SLC49A4: variants seen among roughly 807,000 people sequenced by gnomAD.
SLC49A4 encodes disrupted in renal cancer protein 2.
SLC49A4 carries 36 observed loss-of-function variants against 50.6 expected under a neutral mutation model. The observed-to-expected ratio is 0.71, with a 90% CI of 0.55 to 0.94. The LOEUF (loss-of-function observed/expected upper bound fraction) is 0.94. Ranked by LOEUF, SLC49A4 falls within the 40% of genes least tolerant of loss-of-function variation. The pLI is 0.00. For synonymous variants in SLC49A4, 248 were observed against 241.2 expected (o/e 1.03, Z -0.26); for missense variants, 503 against 605.7 (o/e 0.83, Z 1.78).
intron 3 of SLC49A4, among the ~76,000 whole-genome samples, chr3:122,828,583 C>T (rs1359776534): frequency 5.3e-5 from 8 of 152,066 alleles, no homozygotes; most frequent in Non-Finnish European, 4.4e-5. Context: ...CTAAGCAGGC[C>T]TGAAGGGTTT....
chr3:122,856,223 T>C, intron 5 of SLC49A4, 84 bp from the exon 6 acceptor site: 4 of 1,276,578 alleles, frequency 3.1e-6, no homozygotes, highest in Non-Finnish European at 3.4e-6. Context: ...TACTAACATA[T>C]TGATTATAGA....
chr3:122,822,806 A>G (rs1936471975), intron 2 of SLC49A4, among the ~76,000 whole-genome samples: 1 of 152,020 alleles, frequency 6.6e-6, no homozygotes, highest in African/African-American at 2.4e-5. Context: ...ATCCACCTAC[A>G]ACTTATATTT....
chr3:122,826,145 A>G (rs1412894878), intron 2 of SLC49A4, among the ~76,000 whole-genome samples: 1 of 152,168 alleles, frequency 6.6e-6, no homozygotes, highest in Non-Finnish European at 1.5e-5. Flanking sequence ...AAAGTTAGGT[A>G]TTGTTCAGGG....
intron 5 of SLC49A4, among the ~76,000 whole-genome samples, chr3:122,855,125 A>G (rs1936970136): frequency 6.6e-6 from 1 of 151,998 alleles, no homozygotes; most frequent in Non-Finnish European, 1.5e-5. Flanking sequence ...AAAAAGAAAA[A>G]TATGACTCGA....
intron 2 of SLC49A4, among the ~76,000 whole-genome samples, chr3:122,820,879 A>G (rs756648413): frequency 2.6e-5 from 4 of 152,316 alleles, no homozygotes; most frequent in South Asian, 2.1e-4. Flanking sequence ...TGCTCTGCCA[A>G]TGCAGGAGAA....
At chr3:122,835,939 T>A (rs1024182014) in intron 4 of SLC49A4, among the ~76,000 whole-genome samples, 4 of 152,104 alleles carry the variant, frequency 2.6e-5, no homozygotes, top group African/African-American at 9.7e-5. Flanking sequence ...CACAAATCAG[T>A]AGCACTGCTC....
chr3:122,831,677 G>T lies in SLC49A4; in HGVS notation c.704-1640G>T, dbSNP rs561534110. Among the ~76,000 whole-genome samples the T allele has an allele frequency of 5.3e-5, 8 of 152,140 alleles. No individual in the cohort carries two copies. In the South Asian group the frequency reaches 1.5e-3, roughly 28 times the overall value. ...TGAAAAAATTCTAAAATTGATTGTG[G>T]TTATGATTGTACAATTCTGCTGGTA... On this transcript the variant is annotated intron_variant, in intron 3 of 8. Transcript: ENST00000261038.
intron 7 of SLC49A4, among the ~76,000 whole-genome samples, chr3:122,868,280 T>C (rs1483396356): frequency 1.3e-5 from 2 of 152,180 alleles, no homozygotes; most frequent in African/African-American, 4.8e-5. Context: ...CACAGGACTT[T>C]GTTTTTTACC....
At chr3:122,823,303 T>G (rs975233126) in intron 2 of SLC49A4, among the ~76,000 whole-genome samples, 2 of 152,136 alleles carry the variant, frequency 1.3e-5, no homozygotes, top group Non-Finnish European at 2.9e-5. Context: ...TTAGATGGAG[T>G]TGGACCTTCA....
Position 122,815,290 on chromosome 3 carries a change from T to C in SLC49A4, c.437+8340T>C, listed in dbSNP as rs188568980. ...TTTTTAGTAGAGATGAGGTTATTTATGTTGGCCAGACTTGTCTTGAACTCC... is the reference window on the plus strand; with the variant it reads ...TTTTTAGTAGAGATGAGGTTATTTACGTTGGCCAGACTTGTCTTGAACTCC... On this transcript the variant is annotated intron_variant, in intron 2 of 8. Coordinates refer to ENST00000261038, the MANE Select transcript of SLC49A4 (RefSeq NM_032839.3). Among the ~76,000 whole-genome samples, 11 of 152,214 alleles carry C rather than the reference T, an allele frequency of 7.2e-5. No homozygotes were observed. In the East Asian group the frequency reaches 9.7e-4, roughly 13 times the overall value.
At chr3:122,855,022 G>A (rs1936967216) in intron 5 of SLC49A4, among the ~76,000 whole-genome samples, 1 of 152,092 alleles carries the variant, frequency 6.6e-6, no homozygotes, top group Non-Finnish European at 1.5e-5. Flanking sequence ...AAACCCGGGA[G>A]GCGGAGCTTA....
intron 5 of SLC49A4, among the ~76,000 whole-genome samples, chr3:122,848,536 C>T (rs889604373): frequency 2.6e-5 from 4 of 152,152 alleles, no homozygotes; most frequent in African/African-American, 7.2e-5. Flanking sequence ...TATTTCTCCT[C>T]ATTTACTTAG....
In SLC49A4 at chr3:122,814,498, A is replaced by G. The variant is rs1392179312; in HGVS notation, c.437+7548A>G. Among the ~76,000 whole-genome samples the G allele has an allele frequency of 5.3e-5, 8 of 152,248 alleles. No homozygotes were observed. In the East Asian group the frequency reaches 1.5e-3, roughly 29 times the overall value. On this transcript the variant is annotated intron_variant, in intron 2 of 8. Transcript: ENST00000261038. Reference sequence around the variant, plus strand: ...AAAATGGACATAGTAGACATGGCTAACAATTGTTGATTCTCAGATTTCATC... The same window carrying G: ...AAAATGGACATAGTAGACATGGCTAGCAATTGTTGATTCTCAGATTTCATC...
intron 5 of SLC49A4, 70 bp from the exon 6 acceptor site, chr3:122,856,237 C>CT: frequency 2.0e-6 from 3 of 1,517,972 alleles, no homozygotes; most frequent in South Asian, 1.2e-5. Context: ...TTATAGAGGA[C>CT]TTTTTTTCAT....
At chr3:122,803,508 G>A (rs1017990568) in intron 1 of SLC49A4, among the ~76,000 whole-genome samples, 1 of 152,190 alleles carries the variant, frequency 6.6e-6, no homozygotes, top group Non-Finnish European at 1.5e-5. Context: ...AAACAGGCAT[G>A]ATGTCATTAG....
intron 7 of SLC49A4, among the ~76,000 whole-genome samples, chr3:122,869,068 C>T (rs894439759): frequency 2.3e-4 from 35 of 152,192 alleles, no homozygotes; most frequent in African/African-American, 8.2e-4. Flanking sequence ...AGCTCACAAA[C>T]TCACATGAAG....
chr3:122,801,792 G>C (rs980603550), intron 1 of SLC49A4, among the ~76,000 whole-genome samples: 10 of 152,158 alleles, frequency 6.6e-5, no homozygotes, highest in African/African-American at 2.2e-4. Flanking sequence ...TATGAAAGGA[G>C]TAGTGTCCTG....
At chr3:122,817,747 ATTTTTTTTTTTT>A (rs77819385) in intron 2 of SLC49A4, among the ~76,000 whole-genome samples, 48 of 71,896 alleles carry the variant, frequency 6.7e-4, no homozygotes, top group African/African-American at 1.2e-3. Context: ...CACCCAGCTA[ATTTTTTTTTTTT>A]TTTTTTTTTT....
At position 122,813,329 on chromosome 3, in the gene SLC49A4, A is replaced by G. The variant is rs563328648; in HGVS notation, c.437+6379A>G. On this transcript the variant is annotated intron_variant, in intron 2 of 8. Coordinates refer to ENST00000261038, the MANE Select transcript of SLC49A4 (RefSeq NM_032839.3). ...TTTTTGTTGTTTTTGAAATACGGTT[A>G]TTTATGAGACATTTTTTCCAAGGGC... Among the ~76,000 whole-genome samples the G allele has an allele frequency of 1.6e-4, 24 of 150,846 alleles. No individual in the cohort carries two copies. The South Asian group carries it at 4.8e-3, about 30-fold the overall frequency.
Sources: gnomAD v4.1 joint callset for allele counts (sites outside exome capture counted in the v4.1 genomes callset) on GRCh38, gnomAD v4.1.1 for gene constraint, MANE v1.5 for transcripts, NCBI Gene and HGNC (gene_info 2026-07-23, HGNC 2026-07-21) for gene names.